The following PRKAA2 variants were observed in gnomAD, a reference collection of about 807,000 sequenced individuals.
PRKAA2 encodes 5'-AMP-activated protein kinase catalytic subunit alpha-2.
In PRKAA2, 40 loss-of-function variants were observed where a neutral mutation model predicts 56.3. The ratio of observed to expected loss-of-function variants is 0.71; its 90% CI spans 0.55 to 0.92. The LOEUF is 0.92. PRKAA2 is among the 40% of genes least tolerant of loss of function. The pLI is 0.00. For synonymous variants in PRKAA2, 214 were observed against 234.2 expected (o/e 0.91, Z 0.79); for missense variants, 542 against 686.9 (o/e 0.79, Z 2.36).
At chr1:56,681,022 G>A (rs1034436844) in intron 2 of PRKAA2, among the ~76,000 whole-genome samples, 2 of 152,130 alleles carry the variant, frequency 1.3e-5, no homozygotes, top group Admixed American at 6.5e-5. Context: ...AGCACCTGTC[G>A]TTTCCTGACT....
chr1:56,661,514 C>A (rs1643994391), intron 1 of PRKAA2, among the ~76,000 whole-genome samples: 1 of 152,054 alleles, frequency 6.6e-6, no homozygotes, highest in Non-Finnish European at 1.5e-5. Context: ...AGTTGTAATT[C>A]ATTCTCATTG....
intron 1 of PRKAA2, among the ~76,000 whole-genome samples, chr1:56,670,953 G>A (rs934123340): frequency 1.1e-4 from 16 of 152,004 alleles, no homozygotes; most frequent in Non-Finnish European, 8.8e-5. Context: ...ACTTGGAGGC[G>A]TATTAAAAAA....
chr1:56,689,886 A>C (rs1644215372), intron 2 of PRKAA2, among the ~76,000 whole-genome samples: 1 of 34,386 alleles, frequency 2.9e-5, no homozygotes, highest in Admixed American at 3.8e-4. Context: ...GCCTAGAAAC[A>C]CAGACACACA....
Position 56,713,202 on chromosome 1 carries a change from AGAACAG to A in PRKAA2, c.*5491_*5496del, listed in dbSNP as rs1644380681. ...ATGCCACTGAACAGTAATAGCACAA[AGAACAG>A]GTCACACAGTCTAGACTGGATTGAG... On this transcript the variant is annotated 3_prime_UTR_variant, in exon 9 of 9. Transcript: ENST00000371244. The A allele has an allele frequency of 6.6e-6, 1 of 152,190 alleles. No individual in the cohort carries two copies. Among genetic ancestry groups the A allele is most frequent in the Non-Finnish European group, 1.5e-5 (1 of 68,034 alleles). The allele number at this position is 152,190 out of a possible 1,614,324, so 9.4% of individuals were successfully genotyped here.
intron 2 of PRKAA2, among the ~76,000 whole-genome samples, chr1:56,684,981 C>G (rs1427188843): frequency 6.6e-6 from 1 of 152,116 alleles, no homozygotes; most frequent in East Asian, 1.9e-4. Flanking sequence ...AGCCAAGTCC[C>G]TTCGTAGGTG....
intron 1 of PRKAA2, among the ~76,000 whole-genome samples, chr1:56,669,196 C>T (rs1644057688): frequency 6.6e-6 from 1 of 152,094 alleles, no homozygotes; most frequent in South Asian, 2.1e-4. Context: ...CGGTGGCTCA[C>T]ACCTGTAATG....
chr1:56,665,248 A>G (rs1170660291), intron 1 of PRKAA2, among the ~76,000 whole-genome samples: 1 of 151,740 alleles, frequency 6.6e-6, no homozygotes. Flanking sequence ...TAGTTTTTGT[A>G]TTTTTAGTAG....
At chr1:56,659,736 C>T (rs1459075315) in intron 1 of PRKAA2, among the ~76,000 whole-genome samples, 7 of 151,832 alleles carry the variant, frequency 4.6e-5, no homozygotes, top group African/African-American at 1.5e-4. Context: ...GGCGAAACCC[C>T]ATCTCAACAA....
Position 56,707,867 on chromosome 1 carries a change from A to G in PRKAA2, c.*154A>G. 1.4e-6 allele frequency: 1 copy of G among 709,240 alleles called. No individual in the cohort carries two copies. 43.9% of individuals were successfully genotyped at this position (709,240 alleles called of 1,614,324 possible). A position where few individuals can be genotyped will look rare whatever the true frequency, so the allele number is the denominator to read the frequency against. ...AATGCTATTGAAATTACTGAAAACAAAATATCTGACATCTTATTTACTTGT... is the reference window on the plus strand; with the variant it reads ...AATGCTATTGAAATTACTGAAAACAGAATATCTGACATCTTATTTACTTGT... On this transcript the variant is annotated 3_prime_UTR_variant, in exon 9 of 9. Coordinates refer to ENST00000371244, the MANE Select transcript of PRKAA2 (RefSeq NM_006252.4).
rs934491973 is a variant in PRKAA2 at position 56,709,457 on chromosome 1, A to G, written c.*1744A>G. The G allele has an allele frequency of 6.6e-6, 1 of 152,168 alleles. No homozygotes were observed. Among genetic ancestry groups the G allele is most frequent in the Admixed American group, 6.5e-5 (1 of 15,274 alleles). 9.4% of individuals were successfully genotyped at this position (152,168 alleles called of 1,614,324 possible). On this transcript the variant is annotated 3_prime_UTR_variant, in exon 9 of 9. Transcript: ENST00000371244. ...TGCAATTTGAGATAGTTTAAGGTTT[A>G]ATTATTGAAAGACTGCCATCTTGTG...
At chr1:56,704,586 T>A in intron 7 of PRKAA2, 111 bp downstream of exon 7, 1 of 1,232,130 alleles carries the variant, frequency 8.1e-7, no homozygotes, top group Non-Finnish European at 1.1e-6. Flanking sequence ...AGTAATATGC[T>A]ATGCACATTA....
chr1:56,695,298 C>T (rs6687567), intron 5 of PRKAA2, among the ~76,000 whole-genome samples: 11,814 of 151,494 alleles, frequency 0.078, 888 homozygotes, highest in African/African-American at 0.19. Flanking sequence ...CTCAGATGAT[C>T]CTCCCACCTC....
rs190418503 is a variant in PRKAA2, at chr1:56,682,945, A to T, written c.236+8423A>T. On this transcript the variant is annotated intron_variant, in intron 2 of 8. Transcript: ENST00000371244. ...GACAGAGCAGATAAAAAACATTTCT[A>T]TCGTTGTAGGAAGTTCTGTTCAACA... 3.0e-4 allele frequency among the ~76,000 whole-genome samples: 46 copies of T among 152,264 alleles called. No individual in the cohort carries two copies. The East Asian group carries it at 7.5e-3, about 25-fold the overall frequency.
chr1:56,663,064 GCT>G (rs1208334906), intron 1 of PRKAA2, among the ~76,000 whole-genome samples: 2 of 152,068 alleles, frequency 1.3e-5, no homozygotes, highest in Non-Finnish European at 2.9e-5. Flanking sequence ...CATGAACTCT[GCT>G]CTGTTTTTTG....
chr1:56,680,688 T>G (rs548223014), intron 2 of PRKAA2, among the ~76,000 whole-genome samples: 173 of 152,318 alleles, frequency 1.1e-3, no homozygotes, highest in African/African-American at 4.0e-3. Flanking sequence ...GGACATGAAC[T>G]CATCCTTTTT....
At chr1:56,673,893 A>G (rs1306623669) in intron 1 of PRKAA2, among the ~76,000 whole-genome samples, 1 of 152,194 alleles carries the variant, frequency 6.6e-6, no homozygotes. Context: ...GGAAAATAAG[A>G]GGACTTTATG....
At chr1:56,672,436 G>A (rs945842305) in intron 1 of PRKAA2, among the ~76,000 whole-genome samples, 2 of 152,112 alleles carry the variant, frequency 1.3e-5, no homozygotes, top group Non-Finnish European at 2.9e-5. Context: ...AGTTTTGAAT[G>A]TGTTGAACTT....
intron 1 of PRKAA2, among the ~76,000 whole-genome samples, chr1:56,657,245 AG>A (rs1163340320): frequency 6.6e-6 from 1 of 152,228 alleles, no homozygotes; most frequent in Non-Finnish European, 1.5e-5. Flanking sequence ...TTATCTTCAA[AG>A]GGACAGTAAT....
At chr1:56,701,315 A>G (rs1644292126) in intron 6 of PRKAA2, among the ~76,000 whole-genome samples, 2 of 151,964 alleles carry the variant, frequency 1.3e-5, no homozygotes, top group South Asian at 4.2e-4. Context: ...GAATCACTTG[A>G]ACCTGGGAGG....
Sources: gnomAD v4.1 joint callset for allele counts (sites outside exome capture counted in the v4.1 genomes callset) on GRCh38, gnomAD v4.1.1 for gene constraint, MANE v1.5 for transcripts, NCBI Gene and HGNC (gene_info 2026-07-23, HGNC 2026-07-21) for gene names.